Variants in TBC1D10A observed in about 807,000 individuals in gnomAD.
The protein encoded by TBC1D10A is TBC1 domain family member 10A, also known as EBP50-PDX interactor of 64 kDa.
TBC1D10A carries 24 observed loss-of-function variants against 52.9 expected under a neutral mutation model. That is an observed-to-expected ratio of 0.45 (90% CI 0.33 to 0.64). The LOEUF (loss-of-function observed/expected upper bound fraction) is 0.64. TBC1D10A is among the 30% of genes least tolerant of loss of function. The pLI, the probability that TBC1D10A is intolerant of heterozygous loss-of-function variation, is 0.02. For synonymous variants in TBC1D10A, 278 were observed against 282.9 expected (o/e 0.98, Z 0.17); for missense variants, 602 against 687.9 (o/e 0.88, Z 1.40).
chr22:30,303,650 C>G (rs1930252458), intron 2 of TBC1D10A, among the ~76,000 whole-genome samples: 1 of 152,236 alleles, frequency 6.6e-6, no homozygotes, highest in Non-Finnish European at 1.5e-5. Context: ...GCCAGCTGTG[C>G]CAGCCTGGAT....
At chr22:30,309,850 A>C (rs1219130468) in intron 1 of TBC1D10A, among the ~76,000 whole-genome samples, 1 of 152,210 alleles carries the variant, frequency 6.6e-6, no homozygotes, top group Non-Finnish European at 1.5e-5. Flanking sequence ...CTGCCCAAGC[A>C]CATCTCAGCA....
At chr22:30,315,727 A>G (rs9608873) in intron 1 of TBC1D10A, among the ~76,000 whole-genome samples, 2,864 of 152,334 alleles carry the variant, frequency 0.019, 32 homozygotes, top group East Asian at 0.032. Context: ...TCACTGGGTC[A>G]CTCACGACCC....
At chr22:30,326,619 T>C in intron 1 of TBC1D10A, 54 bp downstream of exon 1, 1 of 1,527,050 alleles carries the variant, frequency 6.5e-7, no homozygotes, top group Non-Finnish European at 8.8e-7. Context: ...TCCGTCCGTG[T>C]CGAGGCCCCT....
intron 1 of TBC1D10A, among the ~76,000 whole-genome samples, chr22:30,319,976 T>C (rs962362054): frequency 6.6e-6 from 1 of 152,298 alleles, no homozygotes; most frequent in Non-Finnish European, 1.5e-5. Context: ...TGGTCAGTGC[T>C]ATGTAGCTAG....
rs1023615431 is a variant in TBC1D10A, at chr22:30,297,133, G to A, written c.418-1290C>T. On this transcript the variant is annotated intron_variant, in intron 3 of 8. Coordinates refer to ENST00000215790, the MANE Select transcript of TBC1D10A (RefSeq NM_031937.3). This position sits in a 1 kb window ranked among gnomAD's most constrained non-coding sequence, Gnocchi z 4.3. Reference sequence around the variant, plus strand: ...TTAAGCTCAAGAACCTAGGGTGCCAGGAACTTGACTAGAGGGTAAGGACTG... The same window carrying A: ...TTAAGCTCAAGAACCTAGGGTGCCAAGAACTTGACTAGAGGGTAAGGACTG... 1 of 152,328 alleles carries A rather than the reference G, an allele frequency of 6.6e-6. No homozygotes were observed. Among genetic ancestry groups the A allele is most frequent in the African/African-American group, 2.4e-5 (1 of 41,474 alleles). The allele number at this position is 152,328 out of a possible 1,614,324, so 9.4% of individuals were successfully genotyped here.
At chr22:30,312,416 G>A (rs189312414) in intron 1 of TBC1D10A, among the ~76,000 whole-genome samples, 6 of 152,306 alleles carry the variant, frequency 3.9e-5, no homozygotes, top group South Asian at 2.1e-4. Context: ...CCAGCTGCTC[G>A]GGAGACTGAA....
chr22:30,294,907 C>G (rs774598413), intron 5 of TBC1D10A, 34 bp downstream of exon 5: 22 of 1,613,872 alleles, frequency 1.4e-5, no homozygotes, highest in Admixed American at 5.0e-5. Context: ...GGGTTCCCCA[C>G]CCACCCCCCT....
rs1486672012 is a variant in TBC1D10A at position 30,326,927 on chromosome 22, C to T, written c.-46G>A. ...GAGCTCCAGCGGCCACCTCAGCCGC[C>T]CTGCTGCCGCCGACGCCCCGCCCAC... On this transcript the variant is annotated 5_prime_UTR_variant, in exon 1 of 9. Coordinates refer to ENST00000215790, the MANE Select transcript of TBC1D10A (RefSeq NM_031937.3). The T allele has an allele frequency of 7.3e-7, 1 of 1,377,736 alleles. No individual in the cohort carries two copies. The highest frequency in any genetic ancestry group is 1.5e-5 in the African/African-American group (1 of 65,596). The allele number at this position is 1,377,736 out of a possible 1,614,324, so 85.3% of individuals were successfully genotyped here.
chr22:30,326,239 T>A (rs904506662), intron 1 of TBC1D10A, among the ~76,000 whole-genome samples: 4 of 143,308 alleles, frequency 2.8e-5, no homozygotes, highest in African/African-American at 7.9e-5. Flanking sequence ...CGTCTGTGGG[T>A]TTGTGGGAGG....
At chr22:30,308,302 G>A in intron 1 of TBC1D10A, among the ~76,000 whole-genome samples, 1 of 139,406 alleles carries the variant, frequency 7.2e-6, no homozygotes, top group South Asian at 2.2e-4. Context: ...ATGCCTGCAT[G>A]CCTGCCTGCC....
chr22:30,299,999 A>C (rs1420358604), intron 2 of TBC1D10A, among the ~76,000 whole-genome samples: 15 of 151,432 alleles, frequency 9.9e-5, no homozygotes. Context: ...TACTGTTGCT[A>C]CCATGCCAAT....
intron 2 of TBC1D10A, chr22:30,300,537 C>A (rs990112367): frequency 2.0e-5 from 3 of 151,840 alleles, no homozygotes; most frequent in Non-Finnish European, 2.9e-5. Context: ...GCACTGTGTG[C>A]GGCTCAGCTG....
At chr22:30,324,403 G>T (rs776751533) in intron 1 of TBC1D10A, among the ~76,000 whole-genome samples, 1 of 152,160 alleles carries the variant, frequency 6.6e-6, no homozygotes, top group African/African-American at 2.4e-5. Flanking sequence ...TGACTGACAG[G>T]CTCCAGAAAG....
intron 1 of TBC1D10A, among the ~76,000 whole-genome samples, chr22:30,320,696 G>C (rs1305904202): frequency 6.6e-6 from 1 of 152,178 alleles, no homozygotes; most frequent in African/African-American, 2.4e-5. Flanking sequence ...CCAAAGATGG[G>C]AAGTAGAAAA....
Position 30,292,728 on chromosome 22 carries a change from C to A in TBC1D10A, c.1174G>T (p.Ala392Ser). The A allele has an allele frequency of 6.2e-7, 1 of 1,611,542 alleles. No individual in the cohort carries two copies. The highest frequency in any genetic ancestry group is 8.5e-7 in the Non-Finnish European group (1 of 1,179,304). ...GGACCAGGTTCTGCATCCAAGATAG[C>A]CTTGGCACCATGCAGCCTGGGCGGG... The part of the protein sequence containing the change: ...RSPPRLHGAK[A>S]ILDAEPGPRP... The change falls in exon 9 of 9, where the codon GCT (alanine) becomes TCT (serine). Residue 392 changes from alanine (A) to serine (S), a missense_variant. Ala to Ser is a moderately conservative substitution (Grantham distance 99, BLOSUM62 1). Around this residue, in one of 3 missense-constraint regions of TBC1D10A, gnomAD observed 265 missense variants for 275.1 expected, o/e 0.96. Coordinates refer to ENST00000215790, the MANE Select transcript of TBC1D10A (RefSeq NM_031937.3).
At chr22:30,301,387 G>A (rs571583416) in intron 2 of TBC1D10A, among the ~76,000 whole-genome samples, 3 of 152,358 alleles carry the variant, frequency 2.0e-5, no homozygotes, top group South Asian at 4.1e-4. Flanking sequence ...ACATCTGGAT[G>A]TGGGTTTGAA....
At chr22:30,315,929 A>G (rs1441004288) in intron 1 of TBC1D10A, among the ~76,000 whole-genome samples, 2 of 152,202 alleles carry the variant, frequency 1.3e-5, no homozygotes, top group African/African-American at 4.8e-5. Flanking sequence ...GAGGCCACAC[A>G]GTGGTCACCA....
At chr22:30,300,998 G>A (rs1930190460) in intron 2 of TBC1D10A, among the ~76,000 whole-genome samples, 1 of 152,276 alleles carries the variant, frequency 6.6e-6, no homozygotes, top group East Asian at 1.9e-4. Flanking sequence ...CTATCAAAAC[G>A]ATCATGTCTT....
intron 2 of TBC1D10A, chr22:30,300,728 G>A (rs1353922090): frequency 6.6e-6 from 1 of 152,198 alleles, no homozygotes; most frequent in African/African-American, 2.4e-5. Flanking sequence ...CTCCCTCTTT[G>A]TTTTGGTCAA....
Sources: gnomAD v4.1 joint callset for allele counts (sites outside exome capture counted in the v4.1 genomes callset) on GRCh38, gnomAD v4.1.1 for gene constraint, gnomAD v4.1.1 regional missense constraint, Gnocchi (gnomAD v3.1) non-coding constraint, MANE v1.5 for transcripts, NCBI Gene and HGNC (gene_info 2026-07-23, HGNC 2026-07-21) for gene names.